Variants in KCNN2 observed in about 807,000 individuals in gnomAD.
KCNN2 encodes small conductance calcium-activated potassium channel protein 2.
KCNN2 carries 24 observed loss-of-function variants against 55.5 expected under a neutral mutation model. The ratio of observed to expected loss-of-function variants is 0.43; its 90% CI spans 0.31 to 0.61. KCNN2 has a LOEUF of 0.61. KCNN2 is among the 20% of genes least tolerant of loss of function. The pLI, the probability that KCNN2 is intolerant of heterozygous loss-of-function variation, is 0.08. For missense variants in KCNN2, 754 were observed against 853.6 expected (o/e 0.88, Z 1.45); for synonymous variants, 431 against 336.1 (o/e 1.28, Z -3.09).
chr5:114,494,152 T>C (rs1474541332), intron 7 of KCNN2, among the ~76,000 whole-genome samples: 1 of 152,052 alleles, frequency 6.6e-6, no homozygotes, highest in African/African-American at 2.4e-5. Flanking sequence ...ACATTGCATT[T>C]TCCTGGGTGA....
At chr5:114,301,501 A>G (rs746278178) in intron 2 of KCNN2, among the ~76,000 whole-genome samples, 1 of 151,988 alleles carries the variant, frequency 6.6e-6, no homozygotes, top group Non-Finnish European at 1.5e-5. Context: ...GCCATGAAAC[A>G]CCCTTTTAGT....
chr5:114,299,125 T>C (rs1371412743), intron 2 of KCNN2, among the ~76,000 whole-genome samples: 1 of 144,642 alleles, frequency 6.9e-6, no homozygotes, highest in Non-Finnish European at 1.5e-5. Context: ...CTTCCTCTTA[T>C]TCTTTCTTTC....
chr5:114,261,129 G>C, intron 2 of KCNN2, among the ~76,000 whole-genome samples: 1 of 152,230 alleles, frequency 6.6e-6, no homozygotes, highest in East Asian at 1.9e-4. Flanking sequence ...AACATTTGAA[G>C]TGCCCACTCA....
chr5:114,176,325 T>G (rs1382267954), intron 1 of KCNN2, among the ~76,000 whole-genome samples: 2 of 151,506 alleles, frequency 1.3e-5, no homozygotes, highest in African/African-American at 2.4e-5. Flanking sequence ...TAATCATAAG[T>G]TTTTTTTTGG....
intron 1 of KCNN2, among the ~76,000 whole-genome samples, chr5:114,174,638 A>G (rs1403498812): frequency 1.3e-5 from 2 of 152,040 alleles, no homozygotes; most frequent in African/African-American, 4.8e-5. Flanking sequence ...GCGTTTGCTC[A>G]GGTGCAATGA....
At chr5:114,289,820 G>T (rs1391331752) in intron 2 of KCNN2, among the ~76,000 whole-genome samples, 1 of 152,042 alleles carries the variant, frequency 6.6e-6, no homozygotes, top group East Asian at 1.9e-4. Flanking sequence ...CATTTATTTA[G>T]GTCTTTTAAA....
intron 2 of KCNN2, among the ~76,000 whole-genome samples, chr5:114,395,752 C>T (rs191036487): frequency 5.3e-5 from 8 of 152,216 alleles, no homozygotes; most frequent in East Asian, 1.9e-4. Context: ...TTTTAATTGA[C>T]GGCACCTAGC....
intron 1 of KCNN2, among the ~76,000 whole-genome samples, chr5:114,106,371 G>T (rs189950618): frequency 1.3e-5 from 2 of 151,568 alleles, no homozygotes; most frequent in East Asian, 1.9e-4. Context: ...TCTAGGAGTG[G>T]AATTGCTTGC....
intron 2 of KCNN2, among the ~76,000 whole-genome samples, chr5:114,336,442 A>G (rs961835608): frequency 6.6e-6 from 1 of 152,226 alleles, no homozygotes; most frequent in African/African-American, 2.4e-5. Flanking sequence ...TGCTCAAATA[A>G]TAGTCATCTT....
At chr5:114,219,100 A>G (rs1344029704) in intron 1 of KCNN2, among the ~76,000 whole-genome samples, 1 of 152,212 alleles carries the variant, frequency 6.6e-6, no homozygotes, top group African/African-American at 2.4e-5. Context: ...GCTTTTGGGC[A>G]CCAGCGGGAG....
Position 114,206,536 on chromosome 5 carries a change from T to TG in KCNN2, c.-270-14944_-270-14943insG, listed in dbSNP as rs1329144473. Among the ~76,000 whole-genome samples the TG allele has an allele frequency of 2.0e-5, 3 of 152,160 alleles. No homozygotes were observed. The East Asian group carries it at 5.8e-4, about 29-fold the overall frequency. The stretch of plus-strand genomic sequence containing the variant: ...TTTTCAGCATGAAATCCAGGTCATT[T>TG]TTTTTCCCCTGTGAATTTCTCTCAA... On this transcript the variant is annotated intron_variant, in intron 1 of 10. Transcript: ENST00000512097.
intron 1 of KCNN2, among the ~76,000 whole-genome samples, chr5:114,216,871 T>A (rs1473215016): frequency 1.3e-5 from 2 of 152,096 alleles, no homozygotes; most frequent in African/African-American, 2.4e-5. Context: ...CAGAAAAAAA[T>A]TTTTAAAAAC....
At chr5:114,131,777 C>T (rs1401118932) in intron 1 of KCNN2, among the ~76,000 whole-genome samples, 2 of 152,202 alleles carry the variant, frequency 1.3e-5, no homozygotes, top group Non-Finnish European at 1.5e-5. Context: ...TTCTTCACAA[C>T]CTCAACAACA....
intron 2 of KCNN2, among the ~76,000 whole-genome samples, chr5:114,254,005 G>A (rs924581901): frequency 1.6e-4 from 24 of 152,004 alleles, no homozygotes; most frequent in African/African-American, 5.8e-4. Context: ...ATTAAAGGAG[G>A]GCTAAATATG....
intron 5 of KCNN2, among the ~76,000 whole-genome samples, chr5:114,483,527 C>T (rs567132430): frequency 3.3e-5 from 5 of 152,040 alleles, no homozygotes; most frequent in South Asian, 2.1e-4. Context: ...CCACTCATCT[C>T]GGCCTCCCAA....
intron 1 of KCNN2, among the ~76,000 whole-genome samples, chr5:114,184,881 T>G (rs946367790): frequency 9.9e-5 from 15 of 152,206 alleles, no homozygotes; most frequent in African/African-American, 3.6e-4. Flanking sequence ...AAGTACAAAT[T>G]TATTCTGTTT....
At chr5:114,240,407 C>G (rs866950591) in intron 2 of KCNN2, among the ~76,000 whole-genome samples, 13 of 137,910 alleles carry the variant, frequency 9.4e-5, no homozygotes, top group Middle Eastern at 8.3e-3. Flanking sequence ...AAAGAAAGCT[C>G]AAATTATATT....
chr5:114,387,427 A>G (rs114033024), intron 2 of KCNN2, among the ~76,000 whole-genome samples: 5 of 152,304 alleles, frequency 3.3e-5, no homozygotes, highest in East Asian at 1.9e-4. Context: ...AGCTTAGTGC[A>G]TTTTTGCTTA....
intron 2 of KCNN2, among the ~76,000 whole-genome samples, chr5:114,324,070 A>G (rs1203297607): frequency 1.3e-5 from 2 of 151,032 alleles, no homozygotes; most frequent in South Asian, 2.1e-4. Flanking sequence ...ACAGGTATTC[A>G]CAGAGTATGA....
Sources: gnomAD v4.1 joint callset for allele counts (sites outside exome capture counted in the v4.1 genomes callset) on GRCh38, gnomAD v4.1.1 for gene constraint, MANE v1.5 for transcripts, NCBI Gene and HGNC (gene_info 2026-07-23, HGNC 2026-07-21) for gene names.